Variants in CREB5 observed in about 807,000 individuals in gnomAD.
The protein encoded by CREB5 is cyclic AMP-responsive element-binding protein 5.
Under a neutral mutation model 57.1 loss-of-function variants are expected in CREB5, and 19 were observed. The observed-to-expected ratio is 0.33, with a 90% CI of 0.23 to 0.49. The LOEUF is 0.49. Ranked by LOEUF, CREB5 falls within the 20% of genes least tolerant of loss-of-function variation. CREB5 has a pLI of 0.99. For missense variants in CREB5, 579 were observed against 671.6 expected, an observed-to-expected ratio of 0.86 and a Z score of 1.52; for synonymous variants, 238 against 238.3, an observed-to-expected ratio of 1.00 and a Z score of 0.01.
chr7:28,765,529 G>C (rs1583695609), intron 7 of CREB5, among the ~76,000 whole-genome samples: 1 of 152,248 alleles, frequency 6.6e-6, no homozygotes, highest in African/African-American at 2.4e-5. Context: ...TCGTAGCTTT[G>C]TGTGTACATG....
At chr7:28,680,111 C>T (rs544084632) in intron 5 of CREB5, among the ~76,000 whole-genome samples, 1 of 152,316 alleles carries the variant, frequency 6.6e-6, no homozygotes, top group African/African-American at 2.4e-5. Flanking sequence ...CAGGGTTGGA[C>T]AATTGCAGAC....
At chr7:28,723,990 T>C (rs545531707) in intron 6 of CREB5, among the ~76,000 whole-genome samples, 50 of 152,190 alleles carry the variant, frequency 3.3e-4, no homozygotes, top group Non-Finnish European at 7.1e-4. Flanking sequence ...CATGACAATG[T>C]AGTTCTCTTT....
chr7:28,756,188 A>C (rs1805286046), intron 7 of CREB5, among the ~76,000 whole-genome samples: 1 of 152,190 alleles, frequency 6.6e-6, no homozygotes, highest in East Asian at 1.9e-4. Context: ...ATAAGAGAGA[A>C]GTGGAAGTGT....
At chr7:28,321,090 C>T (rs1380876861) in intron 1 of CREB5, among the ~76,000 whole-genome samples, 1 of 152,178 alleles carries the variant, frequency 6.6e-6, no homozygotes, top group Non-Finnish European at 1.5e-5. Context: ...TAGAACTTGT[C>T]TCAACGGATT....
chr7:28,639,356 A>G (rs1262964813), intron 5 of CREB5, among the ~76,000 whole-genome samples: 2 of 122,066 alleles, frequency 1.6e-5, no homozygotes, highest in African/African-American at 7.3e-5. Context: ...AGCTCTAGAA[A>G]AGGGATTAGG....
chr7:28,648,940 C>T (rs1799017218), intron 5 of CREB5, among the ~76,000 whole-genome samples: 1 of 152,006 alleles, frequency 6.6e-6, no homozygotes, highest in Non-Finnish European at 1.5e-5. Flanking sequence ...TTTAATGTAC[C>T]AATAAAGGTT....
intron 7 of CREB5, among the ~76,000 whole-genome samples, chr7:28,774,051 C>T (rs538842577): frequency 5.3e-5 from 8 of 152,296 alleles, no homozygotes; most frequent in African/African-American, 1.4e-4. Flanking sequence ...AGGAGAGTTT[C>T]GTACTCTTGA....
intron 3 of CREB5, among the ~76,000 whole-genome samples, chr7:28,502,556 TA>T (rs1384778251): frequency 6.6e-6 from 1 of 152,214 alleles, no homozygotes; most frequent in Admixed American, 6.5e-5. Flanking sequence ...ATGCAAATAA[TA>T]AAAATGCATT....
chr7:28,576,052 C>A (rs1795897830), intron 5 of CREB5, among the ~76,000 whole-genome samples: 1 of 152,164 alleles, frequency 6.6e-6, no homozygotes, highest in Admixed American at 6.5e-5. Flanking sequence ...TTCTGAGAGG[C>A]AGAAAAATAC....
rs534466950 is a variant in CREB5, at chr7:28,553,561, C to T, written c.292-16804C>T. Among the ~76,000 whole-genome samples, 6 of 152,274 alleles carry T rather than the reference C, an allele frequency of 3.9e-5. No homozygotes were observed. The South Asian group carries it at 8.3e-4, about 21-fold the overall frequency. On this transcript the variant is annotated intron_variant, in intron 4 of 10. Coordinates refer to ENST00000357727, the MANE Select transcript of CREB5 (RefSeq NM_182898.4). ...ATTTCAGCATTAAGTGTGACACAAT[C>T]TGTATATGAAACCATAGAGGCAGTC...
At chr7:28,814,105 A>G (rs1372554050) in intron 9 of CREB5, among the ~76,000 whole-genome samples, 1 of 152,160 alleles carries the variant, frequency 6.6e-6, no homozygotes, top group African/African-American at 2.4e-5. Flanking sequence ...TCCAGGCCAC[A>G]TTTGATTTCT....
chr7:28,408,775 G>A (rs1033492264), upstream of CREB5, among the ~76,000 whole-genome samples: 6 of 152,092 alleles, frequency 3.9e-5, no homozygotes, highest in African/African-American at 1.4e-4. Flanking sequence ...ATGAGGGGGC[G>A]GTGAAGAAGG....
At chr7:28,638,243 C>A (rs1033711167) in intron 5 of CREB5, among the ~76,000 whole-genome samples, 11 of 140,314 alleles carry the variant, frequency 7.8e-5, no homozygotes, top group African/African-American at 3.0e-4. Context: ...ATTCAAATTG[C>A]TATCTTAAAG....
rs117045339 is a variant in CREB5, at chr7:28,456,520, C to A, written c.4-31655C>A. Among the ~76,000 whole-genome samples, 1,027 of 152,182 alleles carry A rather than the reference C, an allele frequency of 6.7e-3. 6 individuals are homozygous for A. The highest frequency in any genetic ancestry group is 0.02 in the Middle Eastern group (6 of 294). ...AATGGTCTTTGGCTGGGGTGGGGGG[C>A]TTCATTGTGAAGGATTGCCTGCTAA... On this transcript the variant is annotated intron_variant, in intron 1 of 10. Coordinates refer to ENST00000357727, the MANE Select transcript of CREB5 (RefSeq NM_182898.4).
chr7:28,814,669 ATTCT>A (rs1426038281), intron 9 of CREB5, among the ~76,000 whole-genome samples: 21 of 152,256 alleles, frequency 1.4e-4, no homozygotes, highest in Admixed American at 9.8e-4. Flanking sequence ...ATAAAAAAAA[ATTCT>A]TTCTGGAAGG....
rs1788115412 is a variant in CREB5, at chr7:28,418,710, A to G, written c.3+5793A>G. Among the ~76,000 whole-genome samples, 3 of 152,260 alleles carry G rather than the reference A, an allele frequency of 2.0e-5. No individual in the cohort carries two copies. In the South Asian group the frequency reaches 6.2e-4, roughly 32 times the overall value. The stretch of plus-strand genomic sequence containing the variant: ...AATGTTAGCTTTCATTTATTAACAC[A>G]TATCTCTAATCCCCATTTTATAGAT... On this transcript the variant is annotated intron_variant, in intron 1 of 10. Coordinates refer to ENST00000357727, the MANE Select transcript of CREB5 (RefSeq NM_182898.4).
chr7:28,613,637 C>T (rs1797486201), intron 5 of CREB5, among the ~76,000 whole-genome samples: 1 of 152,240 alleles, frequency 6.6e-6, no homozygotes, highest in Non-Finnish European at 1.5e-5. Flanking sequence ...TGGTCATTAA[C>T]TGCCCTGTGT....
chr7:28,697,315 G>A (rs1276743048), intron 5 of CREB5, among the ~76,000 whole-genome samples: 4 of 152,110 alleles, frequency 2.6e-5, no homozygotes, highest in Non-Finnish European at 5.9e-5. Flanking sequence ...GGGGACCTGG[G>A]TTGTATTTCA....
chr7:28,559,545 G>C (rs1794999664), intron 4 of CREB5, among the ~76,000 whole-genome samples: 3 of 151,440 alleles, frequency 2.0e-5, no homozygotes, highest in Admixed American at 2.0e-4. Flanking sequence ...AAACTCCTGA[G>C]CTCAGGCAAT....
Sources: gnomAD v4.1 joint callset for allele counts (sites outside exome capture counted in the v4.1 genomes callset) on GRCh38, gnomAD v4.1.1 for gene constraint, MANE v1.5 for transcripts, NCBI Gene and HGNC (gene_info 2026-07-23, HGNC 2026-07-21) for gene names.